DMD: variants seen among roughly 807,000 people sequenced by gnomAD.
The protein encoded by DMD is dystrophin.
DMD carries 63 observed loss-of-function variants against 330.1 expected under a neutral mutation model. That is an observed-to-expected ratio of 0.19 (90% confidence interval 0.16 to 0.24). DMD has a LOEUF of 0.24. Among genes scored for constraint, DMD ranks in the 10% least tolerant of loss-of-function variants. DMD has a pLI of 1.00. For missense variants in DMD, 3,344 were observed against 2,684.1 expected (o/e 1.25, Z -5.43); for synonymous variants, 1,223 against 959.8 (o/e 1.27, Z -5.07).
chrX:31,236,205 G>A (rs1157638291), intron 63 of DMD, among the ~76,000 whole-genome samples: 1 of 112,190 alleles, frequency 8.9e-6, no homozygotes, highest in Non-Finnish European at 1.9e-5. Flanking sequence ...CATGGCCCAG[G>A]TCTCTGATGA....
chrX:33,056,069 G>A (rs1478942399), intron 1 of DMD, among the ~76,000 whole-genome samples: 3 of 109,827 alleles, frequency 2.7e-5, no homozygotes, highest in Non-Finnish European at 5.7e-5. Flanking sequence ...TGATATTGCG[G>A]GTCTGAAACA....
At chrX:32,011,932 T>G (rs2095711972) in intron 44 of DMD, among the ~76,000 whole-genome samples, 1 of 112,183 alleles carries the variant, frequency 8.9e-6, no homozygotes. Flanking sequence ...TACTACTATC[T>G]TATTTGGTGA....
intron 17 of DMD, among the ~76,000 whole-genome samples, chrX:32,542,089 A>G (rs766920726): frequency 3.0e-5 from 3 of 98,810 alleles, no homozygotes; most frequent in African/African-American, 1.2e-4. Context: ...TTTGGGAGTC[A>G]GTCACTTAGA....
intron 1 of DMD, among the ~76,000 whole-genome samples, chrX:33,168,434 G>C (rs1050997368): frequency 9.2e-6 from 1 of 108,690 alleles, no homozygotes; most frequent in African/African-American, 3.3e-5. Flanking sequence ...TCTGAAAGTT[G>C]TTTTTGAAAT....
chrX:33,044,227 T>C (rs1213845716), intron 1 of DMD, among the ~76,000 whole-genome samples: 2 of 109,894 alleles, frequency 1.8e-5, no homozygotes, highest in African/African-American at 6.6e-5. Flanking sequence ...AGGTCAGGAG[T>C]TCAAGACCAG....
chrX:32,712,485 A>G (rs1160766079), intron 7 of DMD, among the ~76,000 whole-genome samples: 1 of 111,847 alleles, frequency 8.9e-6, no homozygotes, highest in Non-Finnish European at 1.9e-5. Context: ...TGATTAAAAT[A>G]TTACAAGTTG....
At chrX:32,391,121 T>C (rs1483448649) in intron 30 of DMD, among the ~76,000 whole-genome samples, 1 of 111,689 alleles carries the variant, frequency 9.0e-6, no homozygotes, top group African/African-American at 3.3e-5. Context: ...ACGAACACAA[T>C]ACATTTATTT....
intron 34 of DMD, among the ~76,000 whole-genome samples, chrX:32,375,825 A>G (rs1012671165): frequency 8.0e-5 from 9 of 112,065 alleles, no homozygotes; most frequent in African/African-American, 2.9e-4. Context: ...CAATTTTACT[A>G]TATTTCTCAA....
At chrX:32,637,509 C>T (rs952420795) in intron 11 of DMD, among the ~76,000 whole-genome samples, 1 of 111,906 alleles carries the variant, frequency 8.9e-6, no homozygotes, top group Non-Finnish European at 1.9e-5. Flanking sequence ...GTTCGGGTAT[C>T]TTTATAGCAG....
intron 9 of DMD, among the ~76,000 whole-genome samples, chrX:32,650,665 G>A (rs1012641224): frequency 9.8e-5 from 11 of 112,020 alleles, no homozygotes; most frequent in African/African-American, 3.6e-4. Context: ...ATGCAACACT[G>A]TACATGACAT....
At chrX:32,409,587 A>G (rs148339409) in intron 30 of DMD, among the ~76,000 whole-genome samples, 1,333 of 111,688 alleles carry the variant, frequency 0.012, 7 homozygotes, top group South Asian at 0.069. Flanking sequence ...CTTGAAAGAC[A>G]ATAGTATAAT....
At chrX:32,704,393 C>A (rs1421791595) in intron 7 of DMD, among the ~76,000 whole-genome samples, 4 of 100,537 alleles carry the variant, frequency 4.0e-5, no homozygotes, top group African/African-American at 2.0e-4. Flanking sequence ...GGGCAGTCAA[C>A]CTCAGGGAAG....
At chrX:31,474,530 C>T (rs1242708416) in intron 59 of DMD, among the ~76,000 whole-genome samples, 4 of 99,967 alleles carry the variant, frequency 4.0e-5, no homozygotes, top group Non-Finnish European at 6.0e-5. Context: ...GGTGAAACCC[C>T]ATCTCTACTA....
At chrX:31,139,884 T>C (rs1469185852) in intron 76 of DMD, among the ~76,000 whole-genome samples, 1 of 112,251 alleles carries the variant, frequency 8.9e-6, no homozygotes, top group Non-Finnish European at 1.9e-5. Context: ...ATAATGTTTT[T>C]TGGATTATTA....
At chrX:32,281,073 G>A (rs1271128026) in intron 43 of DMD, among the ~76,000 whole-genome samples, 1 of 112,128 alleles carries the variant, frequency 8.9e-6, no homozygotes, top group Non-Finnish European at 1.9e-5. Flanking sequence ...GGCAGCCAGA[G>A]CCTGTGAGTG....
At chrX:33,125,460 C>T (rs749864593) in intron 1 of DMD, among the ~76,000 whole-genome samples, 3 of 111,772 alleles carry the variant, frequency 2.7e-5, no homozygotes, top group Non-Finnish European at 5.6e-5. Context: ...CCCTAACTCT[C>T]AGTTACGAAC....
intron 39 of DMD, among the ~76,000 whole-genome samples, chrX:32,343,802 G>A (rs1451471738): frequency 8.9e-6 from 1 of 111,848 alleles, no homozygotes; most frequent in African/African-American, 3.2e-5. Context: ...AATATTTTAT[G>A]ATTAGAAATA....
At chrX:31,939,022 T>C (rs1258845165) in intron 45 of DMD, among the ~76,000 whole-genome samples, 1 of 111,805 alleles carries the variant, frequency 8.9e-6, no homozygotes, top group African/African-American at 3.2e-5. Context: ...GTCAAGGCAA[T>C]ACATCTTTCC....
intron 7 of DMD, among the ~76,000 whole-genome samples, chrX:32,727,946 G>T: frequency 9.0e-6 from 1 of 111,224 alleles, no homozygotes; most frequent in Middle Eastern, 4.7e-3. Context: ...GGGCATTACT[G>T]CTTGTCAGGA....
Sources: allele counts gnomAD v4.1 joint callset (sites outside exome capture counted in the v4.1 genomes callset), GRCh38; gene constraint gnomAD v4.1.1; transcripts MANE v1.5; gene names NCBI Gene and HGNC (gene_info 2026-07-23, HGNC 2026-07-21).